Variants in ADAMTSL1 observed in about 807,000 individuals in gnomAD.
ADAMTSL1 encodes the protein ADAMTS-like protein 1.
Under a neutral mutation model 201.8 loss-of-function variants are expected in ADAMTSL1, and 126 were observed. The ratio of observed to expected loss-of-function variants is 0.62; its 90% CI spans 0.54 to 0.72. The LOEUF (loss-of-function observed/expected upper bound fraction) is 0.72, where lower values mean the gene tolerates loss of function less well. Among genes scored for constraint, ADAMTSL1 ranks in the 30% least tolerant of loss-of-function variants. ADAMTSL1 has a pLI of 0.00. For missense variants in ADAMTSL1, 2,679 were observed against 2,277.8 expected, an observed-to-expected ratio of 1.18 and a Z score of -3.59; for synonymous variants, 1,121 against 903.4, an observed-to-expected ratio of 1.24 and a Z score of -4.32.
At chr9:17,991,948 C>G in intron 1 of ADAMTSL1, among the ~76,000 whole-genome samples, 1 of 152,132 alleles carries the variant, frequency 6.6e-6, no homozygotes, top group African/African-American at 2.4e-5. Flanking sequence ...CATTGCTCCC[C>G]ATTGGGATGG....
intron 1 of ADAMTSL1, among the ~76,000 whole-genome samples, chr9:18,035,879 A>AT (rs1821173646): frequency 1.3e-5 from 2 of 152,154 alleles, no homozygotes; most frequent in Admixed American, 6.5e-5. Flanking sequence ...TCAAAAAATA[A>AT]TTTTTGTCAT....
At chr9:17,935,009 G>T (rs1429474851) in intron 1 of ADAMTSL1, among the ~76,000 whole-genome samples, 1 of 149,996 alleles carries the variant, frequency 6.7e-6, no homozygotes, top group Non-Finnish European at 1.5e-5. Flanking sequence ...GTTATCTCTT[G>T]TATATTATGG....
In ADAMTSL1 at chr9:18,681,878, C is replaced by T; in HGVS notation, c.1408C>T (p.His470Tyr). The T allele has an allele frequency of 3.7e-6, 6 of 1,614,062 alleles. No individual in the cohort carries two copies. The highest frequency in any genetic ancestry group is 1.7e-5 in the Admixed American group (1 of 60,022). The change falls in exon 12 of 29, where the codon CAC becomes TAC. Residue 470 changes from histidine (H) to tyrosine (Y), a missense_variant. His to Tyr is a moderately conservative substitution (Grantham distance 83, BLOSUM62 2). Transcript: ENST00000380548. ...CCTCTGCATCGACCATCGAGGAATG[C>T]ACACAGGAGGCTGTAGCCCAAAAAC... ...VVLCIDHRGM[H>Y]TGGCSPKTKP...
intron 1 of ADAMTSL1, among the ~76,000 whole-genome samples, chr9:17,995,624 T>C (rs1033895994): frequency 1.3e-5 from 2 of 152,076 alleles, no homozygotes; most frequent in Non-Finnish European, 2.9e-5. Context: ...AGTAATTTGT[T>C]TTAATTCTGA....
rs775795058 is a variant in ADAMTSL1 at position 18,680,474 on chromosome 9, C to T, written c.1299C>T (p.Asn433=). 6.2e-7 allele frequency: 1 copy of T among 1,614,166 alleles called. No individual in the cohort carries two copies. Among genetic ancestry groups the T allele is most frequent in the South Asian group, 1.1e-5 (1 of 91,076 alleles). Residue 433 remains asparagine, a synonymous_variant, in exon 11 of 29, where the codon AAC becomes AAT. Transcript: ENST00000380548. The part of the protein sequence containing the change: ...TPKMPIAQPC[N]IFDCPKWLAQ... Reference sequence around the variant, plus strand: ...AGATGCCCATCGCGCAGCCCTGCAACATTTTTGACTGCCCTAAATGGCTGG... The same window carrying T: ...AGATGCCCATCGCGCAGCCCTGCAATATTTTTGACTGCCCTAAATGGCTGG...
Position 18,910,648 on chromosome 9 carries a change from G to GTGAT in ADAMTSL1, c.*2104_*2107dup, listed in dbSNP as rs1357076253. ...GTGGTTAATTATTTCTAGTTCGATA[G>GTGAT]TGATTGAAAATCAGTGGTCACTATT... On this transcript the variant is annotated 3_prime_UTR_variant, in exon 29 of 29. Transcript: ENST00000380548. 4 of 152,336 alleles carry GTGAT rather than the reference G, an allele frequency of 2.6e-5. No individual in the cohort carries two copies. The highest frequency in any genetic ancestry group is 4.1e-4 in the South Asian group (2 of 4,826). 9.4% of individuals were successfully genotyped at this position (152,336 alleles called of 1,614,324 possible).
Position 18,144,069 on chromosome 9 carries a change from A to G in ADAMTSL1, c.88-19793A>G, listed in dbSNP as rs575973533. Among the ~76,000 whole-genome samples the G allele has an allele frequency of 2.0e-5, 3 of 152,308 alleles. No homozygotes were observed. The East Asian group carries it at 5.8e-4, about 29-fold the overall frequency. ...TTCTTACTATCTTCAGAACACATGA[A>G]GAATGGAACTCTCTCCTGATTTTGA... On this transcript the variant is annotated intron_variant, in intron 1 of 29. Coordinates refer to the ADAMTSL1 transcript ENST00000680146.
intron 2 of ADAMTSL1, among the ~76,000 whole-genome samples, chr9:18,311,835 A>C (rs1834169572): frequency 6.6e-6 from 1 of 152,174 alleles, no homozygotes; most frequent in Admixed American, 6.5e-5. Flanking sequence ...GGCTGCAATA[A>C]AGATCTCCCT....
intron 28 of ADAMTSL1, 66 bp downstream of exon 28, chr9:18,906,978 C>T (rs1830347640): frequency 6.4e-7 from 1 of 1,573,242 alleles, no homozygotes; most frequent in East Asian, 2.2e-5. Context: ...GAGAGCAGTC[C>T]CTGGGACCGA....
intron 1 of ADAMTSL1, among the ~76,000 whole-genome samples, chr9:17,938,353 T>C (rs1755289): frequency 0.54 from 81,888 of 151,882 alleles, 23,451 homozygotes; most frequent in Non-Finnish European, 0.62. Context: ...TCTTGAAAAT[T>C]TCATAAGGTT....
chr9:18,167,708 T>C (rs576759185), intron 2 of ADAMTSL1, among the ~76,000 whole-genome samples: 2 of 152,082 alleles, frequency 1.3e-5, no homozygotes, highest in East Asian at 1.9e-4. Context: ...CCATGTATTC[T>C]TGAGGGACTC....
chr9:17,983,541 A>G (rs1300701361), intron 1 of ADAMTSL1, among the ~76,000 whole-genome samples: 11 of 152,306 alleles, frequency 7.2e-5, no homozygotes, highest in East Asian at 3.9e-4. Flanking sequence ...GGATAACTCT[A>G]TGTGGTTAGT....
chr9:17,959,281 T>A (rs1322258314), intron 1 of ADAMTSL1, among the ~76,000 whole-genome samples: 2 of 152,116 alleles, frequency 1.3e-5, no homozygotes, highest in Non-Finnish European at 2.9e-5. Flanking sequence ...ACTGTTGTAC[T>A]TTTTTCTCGT....
intron 23 of ADAMTSL1, among the ~76,000 whole-genome samples, chr9:18,868,032 T>G (rs1430096714): frequency 6.6e-6 from 1 of 152,208 alleles, no homozygotes; most frequent in East Asian, 1.9e-4. Context: ...CTTTTTACTC[T>G]CTCTGCTTTA....
intron 1 of ADAMTSL1, among the ~76,000 whole-genome samples, chr9:18,474,972 A>G (rs1015884968): frequency 6.6e-6 from 1 of 152,230 alleles, no homozygotes; most frequent in Non-Finnish European, 1.5e-5. Context: ...CTTGAACGTC[A>G]GTACACATTG....
chr9:18,398,211 C>G (rs1240421466), intron 2 of ADAMTSL1, among the ~76,000 whole-genome samples: 2 of 152,152 alleles, frequency 1.3e-5, no homozygotes, highest in Non-Finnish European at 2.9e-5. Context: ...AGTGAATACC[C>G]TGATGCTTCA....
chr9:18,102,083 T>G (rs1391506268), intron 1 of ADAMTSL1, among the ~76,000 whole-genome samples: 1 of 152,334 alleles, frequency 6.6e-6, no homozygotes. Context: ...TACTTAATAA[T>G]ATTTTCAAAA....
intron 2 of ADAMTSL1, among the ~76,000 whole-genome samples, chr9:18,419,340 T>C (rs1198438923): frequency 6.6e-6 from 1 of 152,108 alleles, no homozygotes; most frequent in East Asian, 1.9e-4. Flanking sequence ...AAATAAAAGA[T>C]TGGTAAATCT....
intron 23 of ADAMTSL1, among the ~76,000 whole-genome samples, chr9:18,832,487 A>G (rs906310672): frequency 2.0e-5 from 3 of 152,216 alleles, no homozygotes; most frequent in African/African-American, 7.2e-5. Context: ...ATGACATACT[A>G]AAAGTAATGT....
Sources: gnomAD v4.1 joint callset for allele counts (sites outside exome capture counted in the v4.1 genomes callset) on GRCh38, gnomAD v4.1.1 for gene constraint, MANE v1.5 for transcripts, NCBI Gene and HGNC (gene_info 2026-07-23, HGNC 2026-07-21) for gene names.